Variants in TTLL5 observed in about 807,000 individuals in gnomAD.
TTLL5 encodes the protein tubulin polyglutamylase TTLL5.
A neutral mutation model predicts 168.4 loss-of-function variants in TTLL5; 132 were observed. That is an observed-to-expected ratio of 0.78 (90% CI 0.68 to 0.91). The LOEUF is 0.91. Among genes scored for constraint, TTLL5 ranks in the 40% least tolerant of loss-of-function variants. The probability of loss-of-function intolerance (pLI) is 0.00; values close to 1 mark genes in which losing one functional copy is unlikely to be tolerated. For missense variants in TTLL5, 1,545 were observed against 1,581.5 expected (o/e 0.98, Z 0.39); for synonymous variants, 546 against 558.6 (o/e 0.98, Z 0.32).
intron 31 of TTLL5, among the ~76,000 whole-genome samples, chr14:75,914,156 G>A (rs1205831103): frequency 2.0e-5 from 3 of 147,686 alleles, no homozygotes; most frequent in Admixed American, 6.8e-5. Context: ...TTATCTTGTC[G>A]TTTAAAAAAT....
intron 3 of TTLL5, among the ~76,000 whole-genome samples, chr14:75,674,468 A>C (rs1883989132): frequency 6.6e-6 from 1 of 152,188 alleles, no homozygotes; most frequent in Admixed American, 6.5e-5. Flanking sequence ...GTTAGATGCC[A>C]AATTGGTTTT....
intron 31 of TTLL5, among the ~76,000 whole-genome samples, chr14:75,912,697 G>A (rs1464394362): frequency 6.6e-6 from 1 of 152,178 alleles, no homozygotes; most frequent in Non-Finnish European, 1.5e-5. Flanking sequence ...ATATTTCCTA[G>A]TATTGGTTCT....
intron 15 of TTLL5, among the ~76,000 whole-genome samples, chr14:75,741,662 C>T (rs1312274484): frequency 1.3e-5 from 2 of 151,612 alleles, no homozygotes; most frequent in African/African-American, 4.8e-5. Flanking sequence ...CCTTTTCTTT[C>T]ACCTGTGTCT....
intron 26 of TTLL5, among the ~76,000 whole-genome samples, chr14:75,786,083 T>A (rs573689272): frequency 3.0e-4 from 46 of 152,330 alleles, no homozygotes; most frequent in African/African-American, 1.1e-3. Context: ...AAATGGATAT[T>A]TTAATATGCA....
At chr14:75,886,837 T>A in intron 30 of TTLL5, 1 of 1,545,312 alleles carries the variant, frequency 6.5e-7, no homozygotes, top group African/African-American at 1.4e-5. Flanking sequence ...AGAGCCAGAA[T>A]CATACTCTCC....
intron 31 of TTLL5, among the ~76,000 whole-genome samples, chr14:75,925,108 C>T (rs2033981190): frequency 6.8e-6 from 1 of 147,932 alleles, no homozygotes; most frequent in Non-Finnish European, 1.5e-5. Context: ...CAACCTCCCT[C>T]CCGGACGGGG....
chr14:75,953,485 ATAT>A (rs1425365146), intron 31 of TTLL5, among the ~76,000 whole-genome samples: 1 of 152,236 alleles, frequency 6.6e-6, no homozygotes, highest in Non-Finnish European at 1.5e-5. Flanking sequence ...ATTCAACAGT[ATAT>A]TATATAGGGG....
At chr14:75,800,026 G>A (rs1893199916) in intron 27 of TTLL5, among the ~76,000 whole-genome samples, 1 of 152,206 alleles carries the variant, frequency 6.6e-6, no homozygotes, top group Non-Finnish European at 1.5e-5. Context: ...GGCAAGGCCA[G>A]GGAAGTTCTC....
intron 31 of TTLL5, among the ~76,000 whole-genome samples, chr14:75,914,017 G>GA (rs1201862659): frequency 0.15 from 4,643 of 31,122 alleles, 580 homozygotes; most frequent in Non-Finnish European, 0.18. Context: ...TGTTTAAAAG[G>GA]AAAAAAAAAA....
intron 28 of TTLL5, among the ~76,000 whole-genome samples, chr14:75,843,302 A>G (rs1229551903): frequency 1.3e-5 from 2 of 152,186 alleles, no homozygotes; most frequent in Non-Finnish European, 2.9e-5. Context: ...TGGAACTGAG[A>G]TGTAAATATA....
chr14:75,910,386 G>A (rs927197417), intron 31 of TTLL5, among the ~76,000 whole-genome samples: 3 of 152,338 alleles, frequency 2.0e-5, no homozygotes, highest in African/African-American at 7.2e-5. Flanking sequence ...ACTTTGGACA[G>A]AAGACGATCT....
In TTLL5 at chr14:75,861,001, C is replaced by T. The variant is rs1053351166; in HGVS notation, c.3327-2666C>T. ...TCAGTGCTCACCATGTTTCTCCATA[C>T]GTCTAGAAGTCTCTTGGGAAAGATC... On this transcript the variant is annotated intron_variant, in intron 28 of 31. Coordinates refer to ENST00000298832, the MANE Select transcript of TTLL5 (RefSeq NM_015072.5). Among the ~76,000 whole-genome samples the T allele has an allele frequency of 7.9e-5, 12 of 152,144 alleles. 1 individual carries two copies. In the South Asian group the frequency reaches 1.9e-3, roughly 24 times the overall value.
intron 6 of TTLL5, among the ~76,000 whole-genome samples, chr14:75,696,891 G>A (rs1347598361): frequency 1.3e-5 from 2 of 152,026 alleles, no homozygotes; most frequent in Non-Finnish European, 2.9e-5. Flanking sequence ...TTCCATATCA[G>A]TTCATTAATA....
At chr14:75,893,348 G>A (rs56356908) in intron 30 of TTLL5, among the ~76,000 whole-genome samples, 2,470 of 152,296 alleles carry the variant, frequency 0.016, 29 homozygotes, top group Non-Finnish European at 0.024. Flanking sequence ...AACATTAAGC[G>A]TAGAGAGAAG....
chr14:75,821,149 TAA>T (rs911237562), intron 28 of TTLL5, among the ~76,000 whole-genome samples: 3 of 152,216 alleles, frequency 2.0e-5, no homozygotes, highest in African/African-American at 7.2e-5. Context: ...CTTAAGGAAC[TAA>T]TTTGGGAAGC....
At position 75,690,628 on chromosome 14, in the gene TTLL5, T is replaced by TA. The variant is rs112188015; in HGVS notation, c.502+306_502+307insA. ...GACTTAGTGCCTATGTAAGTATTATTTTTTTTTTTTTAAGAGACAGAGCCT... is the reference window on the plus strand; with the variant it reads ...GACTTAGTGCCTATGTAAGTATTATTATTTTTTTTTTTAAGAGACAGAGCCT... On this transcript the variant is annotated intron_variant, in intron 6 of 31. Coordinates refer to ENST00000298832, the MANE Select transcript of TTLL5 (RefSeq NM_015072.5). 7.6e-4 allele frequency among the ~76,000 whole-genome samples: 113 copies of TA among 149,254 alleles called. 1 individual carries two copies. Among genetic ancestry groups the TA allele is most frequent in the East Asian group, 5.7e-3 (29 of 5,122 alleles).
intron 9 of TTLL5, among the ~76,000 whole-genome samples, chr14:75,708,700 G>T (rs1461790712): frequency 6.6e-6 from 1 of 152,078 alleles, no homozygotes; most frequent in Non-Finnish European, 1.5e-5. Flanking sequence ...TTGAAGTTTT[G>T]TTTCCTCTAG....
chr14:75,850,037 C>T (rs879599108), intron 28 of TTLL5, among the ~76,000 whole-genome samples: 2 of 151,054 alleles, frequency 1.3e-5, no homozygotes, highest in Admixed American at 6.6e-5. Flanking sequence ...GCCCAGGAGG[C>T]GGAGGTTGCA....
At chr14:75,919,780 T>A (rs1260118798) in intron 31 of TTLL5, among the ~76,000 whole-genome samples, 1 of 152,066 alleles carries the variant, frequency 6.6e-6, no homozygotes, top group Non-Finnish European at 1.5e-5. Context: ...CAAGTTGGAC[T>A]TCATCAGAAT....
Sources: allele counts gnomAD v4.1 joint callset (sites outside exome capture counted in the v4.1 genomes callset), GRCh38; gene constraint gnomAD v4.1.1; transcripts MANE v1.5; gene names NCBI Gene and HGNC (gene_info 2026-07-23, HGNC 2026-07-21).